The following NHS variants were observed in gnomAD, a reference collection of about 807,000 sequenced individuals.
NHS encodes actin remodeling regulator NHS.
A neutral mutation model predicts 72.5 loss-of-function variants in NHS; 5 were observed. The ratio of observed to expected loss-of-function variants is 0.07; its 90% CI spans 0.04 to 0.14. The LOEUF is 0.14. Ranked by LOEUF, NHS falls within the 10% of genes least tolerant of loss-of-function variation. The pLI is 1.00. For missense variants in NHS, 1,072 were observed against 1,355.7 expected (o/e 0.79, Z 3.29); for synonymous variants, 464 against 547.7 (o/e 0.85, Z 2.13).
At chrX:17,493,887 C>A (rs766591423) in intron 1 of NHS, among the ~76,000 whole-genome samples, 1 of 110,348 alleles carries the variant, frequency 9.1e-6, no homozygotes, top group East Asian at 2.9e-4. Flanking sequence ...ATATTACCAA[C>A]CAGGAGGGCA....
chrX:17,537,521 C>T (rs866047148), intron 1 of NHS, among the ~76,000 whole-genome samples: 22 of 112,448 alleles, frequency 2.0e-4, no homozygotes, highest in African/African-American at 7.1e-4. Context: ...TCTCAAAAAT[C>T]AGACACTTTG....
At position 17,487,340 on chromosome X, in the gene NHS, T is replaced by C. The variant is rs776964480; in HGVS notation, c.565+111018T>C. Reference sequence around the variant, plus strand: ...CAACTCAGCAGTTATCCAGGGTTTTTTTCTGCCTTTGGGCCTTGGGAGGCT... The same window carrying C: ...CAACTCAGCAGTTATCCAGGGTTTTCTTCTGCCTTTGGGCCTTGGGAGGCT... On this transcript the variant is annotated intron_variant, in intron 1 of 8. Coordinates refer to ENST00000676302, the MANE Select transcript of NHS (RefSeq NM_001291867.2). Among the ~76,000 whole-genome samples the C allele has an allele frequency of 1.1e-4, 12 of 111,648 alleles. No homozygotes were observed. The South Asian group carries it at 2.6e-3, about 25-fold the overall frequency.
intron 3 of NHS, among the ~76,000 whole-genome samples, chrX:17,718,887 T>G (rs772349585): frequency 1.8e-3 from 94 of 52,474 alleles, no homozygotes; most frequent in African/African-American, 3.3e-3. Context: ...AAGGAGGAAG[T>G]AAGGAAGGAA....
At chrX:17,663,359 C>T (rs2065992485) in intron 1 of NHS, among the ~76,000 whole-genome samples, 1 of 111,617 alleles carries the variant, frequency 9.0e-6, no homozygotes, top group Admixed American at 9.5e-5. Context: ...TTTCCATCAT[C>T]CCAAAATGTC....
intron 1 of NHS, among the ~76,000 whole-genome samples, chrX:17,571,597 T>G (rs1484221189): frequency 8.9e-6 from 1 of 112,096 alleles, no homozygotes; most frequent in African/African-American, 3.2e-5. Flanking sequence ...ATCTGTTTTG[T>G]TGATCTTTTC....
At chrX:17,474,126 A>G (rs745933750) in intron 1 of NHS, among the ~76,000 whole-genome samples, 2 of 110,852 alleles carry the variant, frequency 1.8e-5, no homozygotes, top group African/African-American at 3.3e-5. Context: ...CCTTCTTTGT[A>G]TGAACAAGGT....
At chrX:17,389,719 A>G (rs1161322638) in intron 1 of NHS, among the ~76,000 whole-genome samples, 1 of 110,007 alleles carries the variant, frequency 9.1e-6, no homozygotes, top group East Asian at 2.8e-4. Flanking sequence ...CTCCTGTGTC[A>G]GCCTCCCAAG....
At position 17,429,386 on chromosome X, in the gene NHS, G is replaced by A. The variant is rs1311234712; in HGVS notation, c.565+53064G>A. On this transcript the variant is annotated intron_variant, in intron 1 of 8. Coordinates refer to ENST00000676302, the MANE Select transcript of NHS (RefSeq NM_001291867.2). ...AAGTATTCCTGCGGGCAATTCCAAG[G>A]TGTCTGAGGACCCTTGCTGGGTATC... Among the ~76,000 whole-genome samples the A allele has an allele frequency of 2.7e-5, 3 of 111,603 alleles. No homozygotes were observed. The Admixed American group carries it at 2.8e-4, about 11-fold the overall frequency.
chrX:17,717,968 T>A (rs1451864830), intron 3 of NHS, among the ~76,000 whole-genome samples: 1 of 111,944 alleles, frequency 8.9e-6, no homozygotes, highest in Admixed American at 9.5e-5. Context: ...ATAACAAAGT[T>A]ACAGTTTGCA....
intron 1 of NHS, among the ~76,000 whole-genome samples, chrX:17,582,603 T>C (rs1001617768): frequency 1.8e-5 from 2 of 111,453 alleles, no homozygotes; most frequent in Admixed American, 1.9e-4. Context: ...GTGCGCTCCC[T>C]GGGCCTGCTA....
rs770712349 is a variant in NHS at position 17,376,068 on chromosome X, C to T, written c.311C>T (p.Pro104Leu). 1.6e-5 allele frequency: 17 copies of T among 1,056,026 alleles called. No homozygotes were observed. Among genetic ancestry groups the T allele is most frequent in the Non-Finnish European group, 1.9e-5 (16 of 829,076 alleles). 87.0% of individuals were successfully genotyped at this position (1,056,026 alleles called of 1,213,427 possible). ...ESTAGIPEAA[P>L]AAGEASSAAA... Reference sequence around the variant, plus strand: ...ACGGCGGGGATCCCGGAGGCGGCGCCCGCAGCCGGCGAGGCGTCCTCGGCG... The same window carrying T: ...ACGGCGGGGATCCCGGAGGCGGCGCTCGCAGCCGGCGAGGCGTCCTCGGCG... Residue 104 changes from proline (P) to leucine (L), a missense_variant, in exon 1 of 9, where the codon CCC becomes CTC. Pro to Leu is a moderately conservative substitution (Grantham distance 98). Coordinates refer to ENST00000676302, the MANE Select transcript of NHS (RefSeq NM_001291867.2).
chrX:17,434,738 C>T (rs192119809), intron 1 of NHS, among the ~76,000 whole-genome samples: 5 of 111,496 alleles, frequency 4.5e-5, no homozygotes, highest in East Asian at 2.8e-4. Context: ...CCACCACGCC[C>T]GGCCTCAAAC....
chrX:17,420,490 T>C (rs1446222245), intron 1 of NHS, among the ~76,000 whole-genome samples: 4 of 110,860 alleles, frequency 3.6e-5, no homozygotes, highest in Non-Finnish European at 7.6e-5. Context: ...ATTCATCCAC[T>C]CATCCATTCT....
At chrX:17,569,134 A>G (rs2065461900) in intron 1 of NHS, among the ~76,000 whole-genome samples, 1 of 111,805 alleles carries the variant, frequency 8.9e-6, no homozygotes, top group Non-Finnish European at 1.9e-5. Context: ...ATACGTGTGC[A>G]TGTGTCTTTA....
intron 1 of NHS, among the ~76,000 whole-genome samples, chrX:17,453,971 T>C (rs2064816230): frequency 8.9e-6 from 1 of 112,059 alleles, no homozygotes; most frequent in African/African-American, 3.2e-5. Flanking sequence ...ATTAAAGCCA[T>C]CCTGATGCAC....
chrX:17,714,448 C>G (rs1012786855), intron 3 of NHS, among the ~76,000 whole-genome samples: 1 of 111,718 alleles, frequency 9.0e-6, no homozygotes, highest in Non-Finnish European at 1.9e-5. Flanking sequence ...CCCTGTGGAT[C>G]TGCTTCCATT....
chrX:17,637,117 A>G (rs934311731), intron 1 of NHS, among the ~76,000 whole-genome samples: 1 of 111,618 alleles, frequency 9.0e-6, no homozygotes, highest in African/African-American at 3.3e-5. Flanking sequence ...AATTCCCCTC[A>G]GGGAACCAAG....
intron 1 of NHS, among the ~76,000 whole-genome samples, chrX:17,416,674 G>A (rs2064597177): frequency 9.0e-6 from 1 of 111,511 alleles, no homozygotes; most frequent in African/African-American, 3.3e-5. Context: ...TGAGGGCCGG[G>A]GCCATATGGT....
intron 1 of NHS, among the ~76,000 whole-genome samples, chrX:17,425,579 A>G (rs1010357944): frequency 2.0e-5 from 2 of 100,044 alleles, no homozygotes; most frequent in African/African-American, 7.3e-5. Context: ...AAAGAAAGAA[A>G]GAAAGAAAGA....
Sources: allele counts gnomAD v4.1 joint callset (sites outside exome capture counted in the v4.1 genomes callset), GRCh38; gene constraint gnomAD v4.1.1; transcripts MANE v1.5; gene names NCBI Gene and HGNC (gene_info 2026-07-23, HGNC 2026-07-21).